The following FOXO1 variants were observed in gnomAD, a reference collection of about 807,000 sequenced individuals.
The protein encoded by FOXO1 is forkhead box protein O1.
In FOXO1, 6 loss-of-function variants were observed where a neutral mutation model predicts 44.1. That is an observed-to-expected ratio of 0.14 (90% CI 0.07 to 0.27). FOXO1 has a LOEUF of 0.27. Among genes scored for constraint, FOXO1 ranks in the 10% least tolerant of loss-of-function variants. The pLI is 1.00. For synonymous variants in FOXO1, 380 were observed against 362.7 expected (o/e 1.05, Z -0.54); for missense variants, 737 against 888.8 (o/e 0.83, Z 2.17).
intron 1 of FOXO1, among the ~76,000 whole-genome samples, chr13:40,640,801 G>GTT (rs1566082743): frequency 1.5e-5 from 2 of 136,568 alleles, no homozygotes; most frequent in African/African-American, 5.9e-5. Flanking sequence ...GTTGTTGTTT[G>GTT]AGACAGAGTT....
At chr13:40,637,368 C>T (rs112946149) in intron 1 of FOXO1, among the ~76,000 whole-genome samples, 119 of 145,708 alleles carry the variant, frequency 8.2e-4, no homozygotes, top group African/African-American at 2.8e-3. Flanking sequence ...AGCTTGAACC[C>T]GGGAGGCGGA....
At chr13:40,561,943 C>CAAA (rs60373589) in intron 1 of FOXO1, among the ~76,000 whole-genome samples, 16 of 67,548 alleles carry the variant, frequency 2.4e-4, no homozygotes, top group African/African-American at 7.8e-4. Flanking sequence ...ACTCTGTCGC[C>CAAA]AAAAAAAAAA....
intron 1 of FOXO1, among the ~76,000 whole-genome samples, chr13:40,584,302 CACCT>C (rs1875066933): frequency 6.6e-6 from 1 of 151,824 alleles, no homozygotes; most frequent in Admixed American, 6.6e-5. Context: ...TGCCCCCACT[CACCT>C]ACCTAGTCAG....
intron 1 of FOXO1, chr13:40,618,729 A>G (rs183974515): frequency 9.6e-6 from 4 of 416,188 alleles, no homozygotes. Flanking sequence ...GAAAGCCAGG[A>G]ATCTCAGGAT....
chr13:40,632,305 C>A (rs772177348), intron 1 of FOXO1, among the ~76,000 whole-genome samples: 1 of 152,120 alleles, frequency 6.6e-6, no homozygotes, highest in Non-Finnish European at 1.5e-5. Context: ...AGAATGGGAG[C>A]AATTATTTGT....
At chr13:40,575,830 A>G (rs1874722630) in intron 1 of FOXO1, among the ~76,000 whole-genome samples, 1 of 152,192 alleles carries the variant, frequency 6.6e-6, no homozygotes, top group Admixed American at 6.5e-5. Context: ...GCAAAACAAG[A>G]AAGGAAAGGC....
chr13:40,583,815 T>C (rs1875044654), intron 1 of FOXO1, among the ~76,000 whole-genome samples: 1 of 152,272 alleles, frequency 6.6e-6, no homozygotes, highest in Non-Finnish European at 1.5e-5. Context: ...TTCACTGGAA[T>C]GGCATTTTTA....
chr13:40,664,341 A>T (rs1400018837), intron 1 of FOXO1, among the ~76,000 whole-genome samples: 1 of 152,090 alleles, frequency 6.6e-6, no homozygotes, highest in African/African-American at 2.4e-5. Flanking sequence ...GGTGACAGTG[A>T]GAAACTGTCA....
At chr13:40,613,672 C>A (rs1876315049) in intron 1 of FOXO1, among the ~76,000 whole-genome samples, 1 of 152,196 alleles carries the variant, frequency 6.6e-6, no homozygotes, top group African/African-American at 2.4e-5. Context: ...ATGATTACGG[C>A]GTCAGCATGT....
At chr13:40,624,999 T>A (rs1165007413) in intron 1 of FOXO1, among the ~76,000 whole-genome samples, 1 of 152,176 alleles carries the variant, frequency 6.6e-6, no homozygotes, top group Non-Finnish European at 1.5e-5. Flanking sequence ...AAAAGTCTAG[T>A]AATATAAAAA....
At chr13:40,593,661 GA>G (rs1043392869) in intron 1 of FOXO1, among the ~76,000 whole-genome samples, 9 of 151,674 alleles carry the variant, frequency 5.9e-5, no homozygotes, top group African/African-American at 1.5e-4. Flanking sequence ...AAGGTAAAGG[GA>G]AAAAAAATAG....
chr13:40,576,130 T>C (rs1056754192), intron 1 of FOXO1, among the ~76,000 whole-genome samples: 1 of 152,236 alleles, frequency 6.6e-6, no homozygotes, highest in South Asian at 2.1e-4. Context: ...ATATGAGCTA[T>C]TAGTGTTTGT....
In FOXO1 at chr13:40,560,059, T is replaced by C. The variant is rs1488642642; in HGVS notation, c.1432A>G (p.Thr478Ala). 2 of 1,614,022 alleles carry C rather than the reference T, an allele frequency of 1.2e-6. No homozygotes were observed. Among genetic ancestry groups the C allele is most frequent in the South Asian group, 1.1e-5 (1 of 91,088 alleles). The part of the protein sequence containing the change: ...SDSPPHNDIM[T>A]PVDPGVAQPN... The stretch of plus-strand genomic sequence containing the variant: ...TGGGCTACCCCAGGATCAACTGGTG[T>C]CATAATGTCATTATGGGGAGGAGAG... Residue 478 changes from threonine to alanine, a missense_variant, in exon 2 of 3, where the codon ACA (threonine) becomes GCA (alanine). By Grantham distance (58) the Thr-to-Ala change is moderately conservative. Transcript: ENST00000379561. This position sits in a 1 kb window ranked among gnomAD's most constrained non-coding sequence, Gnocchi z 5.1.
chr13:40,630,682 T>C (rs1007588914), intron 1 of FOXO1, among the ~76,000 whole-genome samples: 13 of 151,374 alleles, frequency 8.6e-5, no homozygotes, highest in African/African-American at 2.7e-4. Flanking sequence ...CAGGAAAAGC[T>C]TGTCACTTAA....
intron 1 of FOXO1, among the ~76,000 whole-genome samples, chr13:40,615,540 CATACATACATACATACATACATACAT>C (rs1262557396): frequency 3.1e-5 from 3 of 96,186 alleles, no homozygotes; most frequent in Non-Finnish European, 8.4e-5. Context: ...TACATACATA[CATACATACATACATACATACATACAT>C]ACATACATAC....
At chr13:40,567,331 T>C (rs1179531973) in intron 1 of FOXO1, among the ~76,000 whole-genome samples, 2 of 152,148 alleles carry the variant, frequency 1.3e-5, no homozygotes, top group Admixed American at 1.3e-4. Flanking sequence ...TTTCATAGTT[T>C]ATTATATAAA....
chr13:40,623,137 G>T (rs1566078355), intron 1 of FOXO1, among the ~76,000 whole-genome samples: 1 of 151,364 alleles, frequency 6.6e-6, no homozygotes, highest in African/African-American at 2.4e-5. Flanking sequence ...AAAAAAAAAG[G>T]AATACAGTTA....
intron 1 of FOXO1, among the ~76,000 whole-genome samples, chr13:40,630,717 G>A (rs982067082): frequency 2.0e-5 from 3 of 151,726 alleles, no homozygotes; most frequent in Non-Finnish European, 2.9e-5. Context: ...AATAGGGAAA[G>A]AGCCTAAAAC....
chr13:40,619,691 G>C, intron 1 of FOXO1: 1 of 1,336,828 alleles, frequency 7.5e-7, no homozygotes, highest in Non-Finnish European at 1.1e-6. Context: ...CTAAGGACTA[G>C]GCTTGCTTCA....
Sources: gnomAD v4.1 joint callset for allele counts (sites outside exome capture counted in the v4.1 genomes callset) on GRCh38, gnomAD v4.1.1 for gene constraint, Gnocchi (gnomAD v3.1) non-coding constraint, MANE v1.5 for transcripts, NCBI Gene and HGNC (gene_info 2026-07-23, HGNC 2026-07-21) for gene names.